The following GPR137C variants were observed in gnomAD, a reference collection of about 807,000 sequenced individuals.
GPR137C encodes integral membrane protein GPR137C.
GPR137C carries 27 observed loss-of-function variants against 43.4 expected under a neutral mutation model. The observed-to-expected ratio is 0.62, with a 90% confidence interval of 0.46 to 0.86. The LOEUF is 0.86. GPR137C is among the 40% of genes least tolerant of loss of function. The pLI is 0.00. For missense variants in GPR137C, 522 were observed against 534.6 expected, an observed-to-expected ratio of 0.98 and a Z score of 0.23; for synonymous variants, 285 against 226.9, an observed-to-expected ratio of 1.26 and a Z score of -2.30.
intron 1 of GPR137C, among the ~76,000 whole-genome samples, chr14:52,584,331 C>T (rs1383800084): frequency 6.6e-6 from 1 of 152,106 alleles, no homozygotes; most frequent in Non-Finnish European, 1.5e-5. Flanking sequence ...CAAGGGGAAA[C>T]TTTTAAAGGC....
At chr14:52,612,373 ACT>A in intron 3 of GPR137C, 1 of 934,724 alleles carries the variant, frequency 1.1e-6, no homozygotes, top group Non-Finnish European at 1.3e-6. Flanking sequence ...TTCTTATCCT[ACT>A]GATAGGCCTT....
chr14:52,592,782 G>T (rs1360436864), intron 1 of GPR137C, among the ~76,000 whole-genome samples: 1 of 152,146 alleles, frequency 6.6e-6, no homozygotes, highest in Non-Finnish European at 1.5e-5. Flanking sequence ...TGCAAACAGG[G>T]ACAATTTGAC....
intron 1 of GPR137C, among the ~76,000 whole-genome samples, chr14:52,581,459 C>G (rs1019402933): frequency 7.3e-4 from 110 of 151,716 alleles, no homozygotes; most frequent in African/African-American, 2.6e-3. Flanking sequence ...TTGTTTGAAC[C>G]CAGTAGGCAG....
chr14:52,587,172 T>G (rs578101278), intron 1 of GPR137C, among the ~76,000 whole-genome samples: 1 of 152,322 alleles, frequency 6.6e-6, no homozygotes, highest in East Asian at 1.9e-4. Flanking sequence ...GAAAACCTAC[T>G]GTGAACTAGG....
intron 1 of GPR137C, among the ~76,000 whole-genome samples, chr14:52,559,441 G>A (rs1203966072): frequency 6.6e-6 from 1 of 152,094 alleles, no homozygotes; most frequent in African/African-American, 2.4e-5. Context: ...GTAGTGTAAA[G>A]CAGAAAATCA....
intron 1 of GPR137C, among the ~76,000 whole-genome samples, chr14:52,567,853 T>C (rs1235703155): frequency 6.6e-6 from 1 of 151,932 alleles, no homozygotes; most frequent in African/African-American, 2.4e-5. Flanking sequence ...AGAGACAGGG[T>C]TTCACCATGT....
intron 3 of GPR137C, among the ~76,000 whole-genome samples, chr14:52,610,812 C>A (rs1468592796): frequency 2.6e-5 from 4 of 152,122 alleles, no homozygotes; most frequent in African/African-American, 9.7e-5. Flanking sequence ...CAAATTGAAC[C>A]AATAAACATG....
At chr14:52,584,131 G>A (rs2038683303) in intron 1 of GPR137C, among the ~76,000 whole-genome samples, 1 of 152,016 alleles carries the variant, frequency 6.6e-6, no homozygotes, top group South Asian at 2.1e-4. Context: ...CTCTACAATA[G>A]TGCCCACATT....
At chr14:52,589,750 C>A (rs2038758082) in intron 1 of GPR137C, among the ~76,000 whole-genome samples, 1 of 152,152 alleles carries the variant, frequency 6.6e-6, no homozygotes, top group African/African-American at 2.4e-5. Flanking sequence ...TATAATGAAG[C>A]TGAAATATTC....
At chr14:52,607,810 G>A (rs2038998229) in intron 3 of GPR137C, among the ~76,000 whole-genome samples, 1 of 152,056 alleles carries the variant, frequency 6.6e-6, no homozygotes, top group African/African-American at 2.4e-5. Flanking sequence ...AGGAGGTGGA[G>A]GTTGCAGTGA....
At chr14:52,629,721 T>C (rs938242915) in intron 3 of GPR137C, among the ~76,000 whole-genome samples, 12 of 152,192 alleles carry the variant, frequency 7.9e-5, no homozygotes, top group Admixed American at 4.6e-4. Context: ...CTTTCTGGAA[T>C]GATGATGTTC....
chr14:52,637,030 A>G lies in GPR137C; in HGVS notation c.*1915A>G, dbSNP rs1045932741. The G allele has an allele frequency of 9.2e-5, 14 of 152,114 alleles. No individual in the cohort carries two copies. The highest frequency in any genetic ancestry group is 3.4e-4 in the African/African-American group (14 of 41,436). 9.4% of individuals were successfully genotyped at this position (152,114 alleles called of 1,614,324 possible). A position where few individuals can be genotyped will look rare whatever the true frequency, so the allele number is the denominator to read the frequency against. On this transcript the variant is annotated 3_prime_UTR_variant, in exon 7 of 7. Coordinates refer to ENST00000321662, the MANE Select transcript of GPR137C (RefSeq NM_001099652.2). ...TTTTCTAGTAAGGCTCCCCTCGATA[A>G]TGTTCCTATTTGACCAAACTAACAA...
chr14:52,570,267 A>G (rs1474090408), intron 1 of GPR137C, among the ~76,000 whole-genome samples: 1 of 152,214 alleles, frequency 6.6e-6, no homozygotes, highest in African/African-American at 2.4e-5. Flanking sequence ...GTGAAGGAGA[A>G]ATAAAATCCT....
At chr14:52,555,294 T>G (rs2038175719) in intron 1 of GPR137C, among the ~76,000 whole-genome samples, 1 of 152,180 alleles carries the variant, frequency 6.6e-6, no homozygotes, top group Non-Finnish European at 1.5e-5. Context: ...GTAAACACTC[T>G]TTTTACTTCT....
intron 3 of GPR137C, among the ~76,000 whole-genome samples, chr14:52,604,056 C>T (rs2038956790): frequency 6.6e-6 from 1 of 152,014 alleles, no homozygotes; most frequent in African/African-American, 2.4e-5. Context: ...ATTTGTATGT[C>T]TGCTTTTGTA....
At position 52,553,173 on chromosome 14, in the gene GPR137C, C is replaced by T. The variant is rs1450598294; in HGVS notation, c.26C>T (p.Ala9Val). The change falls in exon 1 of 7, where the codon GCG becomes GTG. Residue 9 changes from alanine to valine, a missense_variant. Coordinates refer to ENST00000321662, the MANE Select transcript of GPR137C (RefSeq NM_001099652.2). MRVSVPGP[A>V]AAAAPAAGRE... ...ATGAGGGTGTCCGTGCCGGGTCCGG[C>T]GGCCGCTGCCGCCCCCGCAGCCGGC... is the stretch of plus-strand genomic sequence containing the variant. The T allele has an allele frequency of 2.7e-4, 316 of 1,179,962 alleles. No individual in the cohort carries two copies. Among genetic ancestry groups the T allele is most frequent in the Non-Finnish European group, 3.2e-4 (303 of 956,930 alleles). The allele number at this position is 1,179,962 out of a possible 1,614,324, so 73.1% of individuals were successfully genotyped here.
intron 1 of GPR137C, among the ~76,000 whole-genome samples, chr14:52,572,596 C>G (rs1223881594): frequency 1.3e-5 from 2 of 152,176 alleles, no homozygotes; most frequent in East Asian, 3.8e-4. Flanking sequence ...TGGAATACTT[C>G]TCAAAACAGT....
intron 1 of GPR137C, among the ~76,000 whole-genome samples, chr14:52,556,786 A>T (rs977684959): frequency 3.4e-5 from 5 of 148,446 alleles, no homozygotes; most frequent in Non-Finnish European, 6.0e-5. Flanking sequence ...CTGAATCTAA[A>T]TTTTTTTTTT....
chr14:52,610,910 A>G (rs1457845748), intron 3 of GPR137C, among the ~76,000 whole-genome samples: 1 of 152,200 alleles, frequency 6.6e-6, no homozygotes, highest in African/African-American at 2.4e-5. Context: ...CTCCATTTAC[A>G]TCACCCTGTG....
Sources: gnomAD v4.1 joint callset for allele counts (sites outside exome capture counted in the v4.1 genomes callset) on GRCh38, gnomAD v4.1.1 for gene constraint, MANE v1.5 for transcripts, NCBI Gene and HGNC (gene_info 2026-07-23, HGNC 2026-07-21) for gene names.